SLC6A3: variants seen among roughly 807,000 people sequenced by gnomAD.
The protein encoded by SLC6A3 is solute carrier family 6 member 3, also known as sodium-dependent dopamine transporter.
A neutral mutation model predicts 70.4 loss-of-function variants in SLC6A3; 19 were observed. The observed-to-expected ratio is 0.27, with a 90% CI of 0.19 to 0.40. SLC6A3 has a LOEUF of 0.40. Ranked by LOEUF, SLC6A3 falls within the 10% of genes least tolerant of loss-of-function variation. The pLI is 1.00. For missense variants in SLC6A3, 613 were observed against 838.5 expected (o/e 0.73, Z 3.32); for synonymous variants, 368 against 356.6 (o/e 1.03, Z -0.36).
chr5:1,402,926 C>T lies in SLC6A3; in HGVS notation c.1763G>A (p.Arg588Gln), dbSNP rs376797072. 8.2e-5 allele frequency: 133 copies of T among 1,613,220 alleles called. No homozygotes were observed. The highest frequency in any genetic ancestry group is 4.3e-4 in the Admixed American group (26 of 59,996). Residue 588 changes from arginine (R) to glutamine (Q), a missense_variant, in exon 13 of 15, where the codon CGA becomes CAA. Transcript: ENST00000270349. This position sits in a 1 kb window ranked among gnomAD's most constrained non-coding sequence, Gnocchi z 8.5. ...YKFCSLPGSF[R>Q]EKLAYAIAPE... The stretch of plus-strand genomic sequence containing the variant: ...GCGCCCCGTCCAAATACCCACCTCT[C>T]GAAAGGACCCAGGCAGGCTGCAGAA...
At position 1,414,453 on chromosome 5, in the gene SLC6A3, G is replaced by T. The variant is rs138385991; in HGVS notation, c.1156+238C>A. Reference sequence around the variant, plus strand: ...GGCACTGGGTGGGGGGCCGGGAGGGGCAGGGCGGGGAAGGCGCTGGGTGGG... The same window carrying T: ...GGCACTGGGTGGGGGGCCGGGAGGGTCAGGGCGGGGAAGGCGCTGGGTGGG... On this transcript the variant is annotated intron_variant, in intron 8 of 14. Coordinates refer to ENST00000270349, the MANE Select transcript of SLC6A3 (RefSeq NM_001044.5). Among the ~76,000 whole-genome samples the T allele has an allele frequency of 0.024, 3,041 of 126,818 alleles. 160 individuals are homozygous for T. Among genetic ancestry groups the T allele is most frequent in the East Asian group, 0.12 (456 of 3,912 alleles). 83.2% of individuals were successfully genotyped at this position (126,818 alleles called of 152,430 possible).
At position 1,408,910 on chromosome 5, in the gene SLC6A3, A is replaced by G. The variant is rs1176553973; in HGVS notation, c.1498+116T>C. The G allele has an allele frequency of 4.0e-6, 3 of 758,258 alleles. No homozygotes were observed. The highest frequency in any genetic ancestry group is 7.0e-6 in the Non-Finnish European group (3 of 431,276). 47.0% of individuals were successfully genotyped at this position (758,258 alleles called of 1,614,324 possible). A position where few individuals can be genotyped will look rare whatever the true frequency, so the allele number is the denominator to read the frequency against. ...TCCCCTCTGCGGAGCTGTGATGACC[A>G]CAACCCAGGCTTCCTGCAGCTGAAA... On this transcript the variant is annotated intron_variant, in intron 11 of 14. Coordinates refer to ENST00000270349, the MANE Select transcript of SLC6A3 (RefSeq NM_001044.5). This position sits in a 1 kb window ranked among gnomAD's most constrained non-coding sequence, Gnocchi z 6.4.
At chr5:1,433,912 T>C (rs1236714772) in intron 3 of SLC6A3, among the ~76,000 whole-genome samples, 1 of 148,408 alleles carries the variant, frequency 6.7e-6, no homozygotes, top group African/African-American at 2.5e-5. Flanking sequence ...CAACAATCCA[T>C]TGCCATTCAA....
rs1407963603 is a variant in SLC6A3 at position 1,411,779 on chromosome 5, ATG to A, written c.1157-426_1157-425del. Among the ~76,000 whole-genome samples the A allele has an allele frequency of 1.8e-4, 27 of 151,566 alleles. No homozygotes were observed. Among genetic ancestry groups the A allele is most frequent in the Non-Finnish European group, 2.6e-4 (18 of 67,960 alleles). ...ACATACACACTCAGACACACATACC[ATG>A]CAACATACACACTCAGACACACATA... On this transcript the variant is annotated intron_variant, in intron 8 of 14. Transcript: ENST00000270349. This position sits in a 1 kb window ranked among gnomAD's most constrained non-coding sequence, Gnocchi z 6.5.
Position 1,414,691 on chromosome 5 carries a change from C to T in SLC6A3, c.1156G>A (p.Gly386Arg), listed in dbSNP as rs2126353885. ...CCCAGGTGCAGCAGGAGGGGCTCAC[C>T]GTCCTTGGCCACGTCCCCGATGGGC... ...SVPIGDVAKD[G>R]PGLIFIIYPE... The change falls in exon 8 of 15, where the codon GGG becomes AGG. Residue 386 changes from glycine (G) to arginine (R), a missense_variant and splice_region_variant. Physicochemically the swap from Gly to Arg is moderately radical, Grantham distance 125. Transcript: ENST00000270349. The T allele has an allele frequency of 6.2e-6, 10 of 1,612,322 alleles. No individual in the cohort carries two copies. Among genetic ancestry groups the T allele is most frequent in the Non-Finnish European group, 7.6e-6 (9 of 1,179,714 alleles).
rs1010019933 is a variant in SLC6A3 at position 1,438,400 on chromosome 5, C to T, written c.418+2959G>A. On this transcript the variant is annotated intron_variant, in intron 3 of 14. Coordinates refer to ENST00000270349, the MANE Select transcript of SLC6A3 (RefSeq NM_001044.5). The surrounding 1 kb of genome is among the most constrained non-coding windows in gnomAD (Gnocchi z 6.5). ...ACGACTGCCCAGCTTACCCCGGCTG[C>T]GCATTGTGGAGAACACGATGATATG... Among the ~76,000 whole-genome samples, 1 of 152,202 alleles carries T rather than the reference C, an allele frequency of 6.6e-6. No homozygotes were observed. Among genetic ancestry groups the T allele is most frequent in the African/African-American group, 2.4e-5 (1 of 41,452 alleles).
Position 1,406,318 on chromosome 5 carries a change from A to C in SLC6A3, c.1499-30T>G. Reference sequence around the variant, plus strand: ...GGGAGAAGAGGTGGCATCAGTGTCCATCAGGGCAGCGCATTCCCCCGATGC... The same window carrying C: ...GGGAGAAGAGGTGGCATCAGTGTCCCTCAGGGCAGCGCATTCCCCCGATGC... On this transcript the variant is annotated intron_variant, in intron 11 of 14. Transcript: ENST00000270349. This position sits in a 1 kb window ranked among gnomAD's most constrained non-coding sequence, Gnocchi z 8.8. 1 of 1,574,108 alleles carries C rather than the reference A, an allele frequency of 6.4e-7. No individual in the cohort carries two copies. The highest frequency in any genetic ancestry group is 1.3e-5 in the African/African-American group (1 of 74,230).
intron 6 of SLC6A3, among the ~76,000 whole-genome samples, chr5:1,419,753 C>T (rs1467660834): frequency 1.3e-5 from 2 of 152,182 alleles, no homozygotes; most frequent in African/African-American, 4.8e-5. Context: ...CCTGTCTCCA[C>T]AGGGCTTCCC....
chr5:1,431,402 G>A (rs983078050), intron 4 of SLC6A3, among the ~76,000 whole-genome samples: 1 of 151,928 alleles, frequency 6.6e-6, no homozygotes, highest in South Asian at 2.1e-4. Context: ...AGTGAGGGAC[G>A]GGCCTGGATG....
chr5:1,405,735 C>CT lies in SLC6A3; in HGVS notation c.1599+452dup, dbSNP rs1755961796. Reference sequence around the variant, plus strand: ...CAAGTGCCTACTGGACACAGTGATGCTGCTGAGCCAGAGGGAGGCTTGCGT... The same window carrying CT: ...CAAGTGCCTACTGGACACAGTGATGCTTGCTGAGCCAGAGGGAGGCTTGCGT... On this transcript the variant is annotated intron_variant, in intron 12 of 14. Transcript: ENST00000270349. This position sits in a 1 kb window ranked among gnomAD's most constrained non-coding sequence, Gnocchi z 5.3. Among the ~76,000 whole-genome samples the CT allele has an allele frequency of 6.6e-6, 1 of 152,278 alleles. No homozygotes were observed. Among genetic ancestry groups the CT allele is most frequent in the African/African-American group, 2.4e-5 (1 of 41,472 alleles).
rs186294885 is a variant in SLC6A3, at chr5:1,437,299, G to T, written c.418+4060C>A. Reference sequence around the variant, plus strand: ...AAAGAAAAGAAAGAGGGGAGAGGACGCCTCTCTGTGTCAGTCTGGGTGTCT... The same window carrying T: ...AAAGAAAAGAAAGAGGGGAGAGGACTCCTCTCTGTGTCAGTCTGGGTGTCT... On this transcript the variant is annotated intron_variant, in intron 3 of 14. Transcript: ENST00000270349. This position sits in a 1 kb window ranked among gnomAD's most constrained non-coding sequence, Gnocchi z 4.8. Among the ~76,000 whole-genome samples the T allele has an allele frequency of 5.4e-4, 82 of 151,664 alleles. No homozygotes were observed. Among genetic ancestry groups the T allele is most frequent in the Non-Finnish European group, 8.2e-4 (56 of 67,880 alleles).
At chr5:1,419,188 C>G (rs956707398) in intron 6 of SLC6A3, among the ~76,000 whole-genome samples, 1 of 151,506 alleles carries the variant, frequency 6.6e-6, no homozygotes, top group African/African-American at 2.4e-5. Context: ...AGCTACCTAC[C>G]TATCATCCAT....
intron 14 of SLC6A3, among the ~76,000 whole-genome samples, chr5:1,399,942 C>T (rs1233667135): frequency 6.6e-6 from 1 of 152,196 alleles, no homozygotes; most frequent in Non-Finnish European, 1.5e-5. Context: ...GCCCCATGTG[C>T]AGGTCCATGC....
chr5:1,429,483 C>G (rs778635055), intron 4 of SLC6A3, among the ~76,000 whole-genome samples: 1 of 152,200 alleles, frequency 6.6e-6, no homozygotes, highest in Non-Finnish European at 1.5e-5. Context: ...AAATAGACTT[C>G]GCTAGTCTGA....
chr5:1,410,561 C>A (rs567300155), intron 9 of SLC6A3, among the ~76,000 whole-genome samples: 8 of 152,210 alleles, frequency 5.3e-5, no homozygotes, highest in African/African-American at 1.9e-4. Context: ...GGGCTGGACC[C>A]GCCACCCCCA....
chr5:1,423,965 A>G (rs1188629874), intron 4 of SLC6A3, among the ~76,000 whole-genome samples: 2 of 152,186 alleles, frequency 1.3e-5, no homozygotes, highest in South Asian at 4.1e-4. Context: ...AGCCTTGGGG[A>G]GCTTTCCACC....
intron 14 of SLC6A3, among the ~76,000 whole-genome samples, chr5:1,399,553 G>A (rs935787491): frequency 3.9e-5 from 6 of 152,216 alleles, no homozygotes; most frequent in African/African-American, 1.2e-4. Context: ...AGACTAGCAA[G>A]ATCCTGTACA....
chr5:1,409,215 C>T (rs1756056626), intron 10 of SLC6A3, 90 bp from the exon 11 acceptor site: 1 of 948,214 alleles, frequency 1.1e-6, no homozygotes, highest in African/African-American at 1.6e-5. Flanking sequence ...CAAATTGTTT[C>T]ACTCACTGCA....
In SLC6A3 at chr5:1,396,346, C is replaced by T. The variant is rs147938178; in HGVS notation, c.1840-1588G>A. ...CCCCAAATAAACAAAACACACGTGC[C>T]GATGACCTTCCAGACCATGGACACC... On this transcript the variant is annotated intron_variant, in intron 14 of 14. Coordinates refer to ENST00000270349, the MANE Select transcript of SLC6A3 (RefSeq NM_001044.5). The surrounding 1 kb of genome is among the most constrained non-coding windows in gnomAD (Gnocchi z 7.0). Among the ~76,000 whole-genome samples the T allele has an allele frequency of 1.1e-3, 167 of 152,338 alleles. 1 individual carries two copies. In the Middle Eastern group the frequency reaches 0.014, roughly 12 times the overall value.
Sources: allele counts gnomAD v4.1 joint callset (sites outside exome capture counted in the v4.1 genomes callset), GRCh38; gene constraint gnomAD v4.1.1; non-coding constraint Gnocchi (gnomAD v3.1); transcripts MANE v1.5; gene names NCBI Gene and HGNC (gene_info 2026-07-23, HGNC 2026-07-21).